The following LAMC2 variants were observed in gnomAD, a reference collection of about 807,000 sequenced individuals.
LAMC2 encodes laminin subunit gamma-2.
A neutral mutation model predicts 140.2 loss-of-function variants in LAMC2; 97 were observed. The ratio of observed to expected loss-of-function variants is 0.69; its 90% CI spans 0.59 to 0.82. LAMC2 has a LOEUF of 0.82. LAMC2 is among the 40% of genes least tolerant of loss of function. The pLI is 0.00. For synonymous variants in LAMC2, 513 were observed against 540.2 expected (o/e 0.95, Z 0.70); for missense variants, 1,402 against 1,476.1 (o/e 0.95, Z 0.82).
chr1:183,219,270 A>G (rs899363020), intron 4 of LAMC2, among the ~76,000 whole-genome samples: 2 of 152,234 alleles, frequency 1.3e-5, no homozygotes, highest in Admixed American at 6.5e-5. Context: ...ATACACTCCT[A>G]GCTTGTGTTT....
intron 1 of LAMC2, among the ~76,000 whole-genome samples, chr1:183,204,267 G>T (rs997268365): frequency 5.3e-5 from 8 of 151,830 alleles, no homozygotes; most frequent in African/African-American, 9.7e-5. Flanking sequence ...CTCCACTCTG[G>T]GTGACAGAGT....
At chr1:183,201,185 G>A (rs1658695134) in intron 1 of LAMC2, among the ~76,000 whole-genome samples, 1 of 152,292 alleles carries the variant, frequency 6.6e-6, no homozygotes, top group African/African-American at 2.4e-5. Flanking sequence ...ATAGTCAAAG[G>A]AATGATGGAT....
At chr1:183,201,468 C>T (rs947318648) in intron 1 of LAMC2, among the ~76,000 whole-genome samples, 1 of 152,166 alleles carries the variant, frequency 6.6e-6, no homozygotes, top group Non-Finnish European at 1.5e-5. Flanking sequence ...CCTGCTTCCA[C>T]CCTCCCTAAC....
At chr1:183,242,435 C>T (rs1436515497) in intron 22 of LAMC2, among the ~76,000 whole-genome samples, 1 of 152,196 alleles carries the variant, frequency 6.6e-6, no homozygotes, top group Non-Finnish European at 1.5e-5. Flanking sequence ...TTCGAATTGA[C>T]CAAGGCCACT....
In LAMC2 at chr1:183,228,325, T is replaced by A; in HGVS notation, c.1469-49T>A. ...CAACTTTAGGCCTCTGCGTCTGGTC[T>A]TCCTCCTGATGGATGTCGACCTAGG... On this transcript the variant is annotated intron_variant, in intron 10 of 22. Coordinates refer to ENST00000264144, the MANE Select transcript of LAMC2 (RefSeq NM_005562.3). This position sits in a 1 kb window ranked among gnomAD's most constrained non-coding sequence, Gnocchi z 4.3. 1 of 1,613,702 alleles carries A rather than the reference T, an allele frequency of 6.2e-7. No individual in the cohort carries two copies.
chr1:183,243,113 TC>T, intron 22 of LAMC2, 33 bp from the exon 23 acceptor site: 1 of 1,613,454 alleles, frequency 6.2e-7, no homozygotes, highest in Non-Finnish European at 8.5e-7. Context: ...CTACAGCTTT[TC>T]TATGTTAACT....
downstream of LAMC2, chr1:183,249,020 T>C (rs199829474): frequency 6.6e-6 from 1 of 152,064 alleles, no homozygotes; most frequent in Non-Finnish European, 1.5e-5. Context: ...CAGTTATTAT[T>C]GAGTCTCACT....
intron 2 of LAMC2, among the ~76,000 whole-genome samples, chr1:183,210,329 C>T (rs780384244): frequency 6.6e-6 from 1 of 152,176 alleles, no homozygotes; most frequent in African/African-American, 2.4e-5. Context: ...TCTTGCTGCT[C>T]CAGCATCCCC....
intron 12 of LAMC2, among the ~76,000 whole-genome samples, chr1:183,231,833 C>G (rs945739884): frequency 2.0e-5 from 3 of 152,216 alleles, no homozygotes; most frequent in Non-Finnish European, 4.4e-5. Context: ...AGGCACTGTT[C>G]TCTTGTCTCT....
chr1:183,192,957 G>A (rs559815771), intron 1 of LAMC2, among the ~76,000 whole-genome samples: 53 of 152,226 alleles, frequency 3.5e-4, no homozygotes, highest in Non-Finnish European at 6.6e-4. Flanking sequence ...TGCCCGCCTC[G>A]GCCTCCCAAA....
At chr1:183,239,906 A>C in intron 20 of LAMC2, 134 bp from the exon 21 acceptor site, 475 of 793,280 alleles carry the variant, frequency 6.0e-4, no homozygotes, top group Non-Finnish European at 9.3e-4. Flanking sequence ...CCTAAGTCTG[A>C]TTCTCTCATT....
At position 183,186,455 on chromosome 1, in the gene LAMC2, C is replaced by T. The variant is rs1345559851; in HGVS notation, c.79+24C>T. ...AGGTGAGTCGGCTTCCACAAGGAAA[C>T]ATCTCAGCCCTGGGCTGAGAATCTG... On this transcript the variant is annotated intron_variant, in intron 1 of 22. Transcript: ENST00000264144. 5.6e-6 allele frequency: 9 copies of T among 1,600,232 alleles called. No homozygotes were observed. The East Asian group carries it at 1.1e-4, about 20-fold the overall frequency.
At position 183,226,804 on chromosome 1, in the gene LAMC2, A is replaced by G; in HGVS notation, c.1173A>G (p.Gln391=). The G allele has an allele frequency of 1.2e-6, 2 of 1,614,172 alleles. No individual in the cohort carries two copies. The highest frequency in any genetic ancestry group is 1.6e-4 in the Middle Eastern group (1 of 6,062). The change falls in exon 9 of 23, where the codon CAA becomes CAG. Residue 391 remains glutamine (Q), a synonymous_variant. Transcript: ENST00000264144. ...QCICPVGYKG[Q]FCQDCASGYK... is the part of the protein sequence containing the mutation. ...TATGTCCTGTTGGGTACAAGGGGCAATTCTGCCAGGATTGTGCTTCTGGCT... is the reference window on the plus strand; with the variant it reads ...TATGTCCTGTTGGGTACAAGGGGCAGTTCTGCCAGGATTGTGCTTCTGGCT...
At chr1:183,251,740 G>A in the LAMC2 span, 2 of 152,982 alleles carry the variant, frequency 1.3e-5, no homozygotes, top group African/African-American at 4.8e-5. Context: ...CAGAGCATCA[G>A]GGAAATGGTC....
chr1:183,207,988 A>G lies in LAMC2; in HGVS notation c.187A>G (p.Ile63Val). ...CAACTGCAATGACAACACTGATGGC[A>G]TTCACTGCGAGAAGTGCAAGAATGG... The part of the protein sequence containing the change: ...CLNCNDNTDG[I>V]HCEKCKNGFY... Residue 63 changes from isoleucine (I) to valine (V), a missense_variant, in exon 2 of 23, where the codon ATT becomes GTT. Around this residue, in one of 3 missense-constraint regions of LAMC2, gnomAD observed 723 missense variants for 783.3 expected, o/e 0.92. Transcript: ENST00000264144. 1.9e-6 allele frequency: 3 copies of G among 1,614,168 alleles called. No homozygotes were observed. Among genetic ancestry groups the G allele is most frequent in the Non-Finnish European group, 2.5e-6 (3 of 1,180,018 alleles).
At position 183,226,839 on chromosome 1, in the gene LAMC2, A is replaced by C; in HGVS notation, c.1208A>C (p.Asp403Ala). The change falls in exon 9 of 23, where the codon GAT becomes GCT. Residue 403 changes from aspartate (D) to alanine (A), a missense_variant. This residue lies in a region of LAMC2 where 723 missense variants were observed against 783.3 expected (regional missense o/e 0.92). Transcript: ENST00000264144. Reference sequence around the variant, plus strand: ...GATTGTGCTTCTGGCTACAAGAGAGATTCAGCGAGACTGGGGCCTTTTGGC... The same window carrying C: ...GATTGTGCTTCTGGCTACAAGAGAGCTTCAGCGAGACTGGGGCCTTTTGGC... ...CQDCASGYKR[D>A]SARLGPFGTC... 6.2e-7 allele frequency: 1 copy of C among 1,614,196 alleles called. No homozygotes were observed. Among genetic ancestry groups the C allele is most frequent in the Non-Finnish European group, 8.5e-7 (1 of 1,180,038 alleles).
chr1:183,224,443 AG>A (rs1659567038), intron 7 of LAMC2, among the ~76,000 whole-genome samples: 1 of 152,172 alleles, frequency 6.6e-6, no homozygotes, highest in Non-Finnish European at 1.5e-5. Context: ...GAGATTGTTA[AG>A]TCAAGAAGTG....
intron 1 of LAMC2, among the ~76,000 whole-genome samples, chr1:183,197,533 G>A (rs540224802): frequency 2.0e-5 from 3 of 152,138 alleles, no homozygotes; most frequent in Non-Finnish European, 2.9e-5. Flanking sequence ...AAAATTAGCC[G>A]GGCGTGCTGG....
In LAMC2 at chr1:183,243,149, C is replaced by A. The variant is rs1258203493; in HGVS notation, c.3331C>A (p.Gln1111Lys). 4 of 1,613,784 alleles carry A rather than the reference C, an allele frequency of 2.5e-6. No homozygotes were observed. Among genetic ancestry groups the A allele is most frequent in the Non-Finnish European group, 3.4e-6 (4 of 1,179,940 alleles). The change falls in exon 23 of 23, where the codon CAG becomes AAG. Residue 1111 changes from glutamine (Q) to lysine (K), a missense_variant and splice_region_variant. Around this residue, in one of 3 missense-constraint regions of LAMC2, gnomAD observed 670 missense variants for 667.2 expected, o/e 1.00. Transcript: ENST00000264144. ...TLDGLLHLMD[Q>K]PLSVDEEGLV... Reference sequence around the variant, plus strand: ...TTGTGTCTCATTCCTTGAAATAGACCAGCCTCTCAGTGTAGATGAAGAGGG... The same window carrying A: ...TTGTGTCTCATTCCTTGAAATAGACAAGCCTCTCAGTGTAGATGAAGAGGG...
Sources: allele counts gnomAD v4.1 joint callset (sites outside exome capture counted in the v4.1 genomes callset), GRCh38; gene constraint gnomAD v4.1.1; regional missense constraint gnomAD v4.1.1; non-coding constraint Gnocchi (gnomAD v3.1); transcripts MANE v1.5; gene names NCBI Gene and HGNC (gene_info 2026-07-23, HGNC 2026-07-21).